The following ZNRF2 variants were observed in gnomAD, a reference collection of about 807,000 sequenced individuals.
ZNRF2 encodes the protein E3 ubiquitin-protein ligase ZNRF2.
In ZNRF2, 16 loss-of-function variants were observed where a neutral mutation model predicts 20.4. The observed-to-expected ratio is 0.79, with a 90% CI of 0.53 to 1.19. ZNRF2 has a LOEUF of 1.19. Ranked by LOEUF, ZNRF2 falls within the 50% of genes most tolerant of loss-of-function variation. The pLI is 0.00. For synonymous variants in ZNRF2, 178 were observed against 144.9 expected, an observed-to-expected ratio of 1.23 and a Z score of -1.64; for missense variants, 363 against 332.4, an observed-to-expected ratio of 1.09 and a Z score of -0.72.
At chr7:30,307,755 G>A (rs185389882) in intron 1 of ZNRF2, among the ~76,000 whole-genome samples, 11 of 151,900 alleles carry the variant, frequency 7.2e-5, no homozygotes, top group Non-Finnish European at 1.5e-4. Flanking sequence ...ATTTACCACC[G>A]AGCATAATGT....
chr7:30,330,845 T>C (rs1799626564), intron 2 of ZNRF2, among the ~76,000 whole-genome samples: 1 of 152,118 alleles, frequency 6.6e-6, no homozygotes, highest in Non-Finnish European at 1.5e-5. Flanking sequence ...TGCTTGAGCA[T>C]GTGTGAACTT....
At chr7:30,293,031 T>C (rs1012962085) in intron 1 of ZNRF2, among the ~76,000 whole-genome samples, 57 of 152,158 alleles carry the variant, frequency 3.7e-4, no homozygotes, top group Non-Finnish European at 3.1e-4. Context: ...AACAGTGGCT[T>C]GGACTGGGTG....
chr7:30,355,243 G>C (rs1358499021), intron 2 of ZNRF2, among the ~76,000 whole-genome samples: 1 of 152,058 alleles, frequency 6.6e-6, no homozygotes, highest in Non-Finnish European at 1.5e-5. Context: ...ATTTTCTTGA[G>C]TTAAGCAACT....
At chr7:30,359,403 C>G (rs556082989) in intron 3 of ZNRF2, among the ~76,000 whole-genome samples, 1 of 152,144 alleles carries the variant, frequency 6.6e-6, no homozygotes, top group Non-Finnish European at 1.5e-5. Context: ...TTGGAAATAG[C>G]GTTCTCCCTC....
At chr7:30,356,363 G>A (rs1003586523) in intron 3 of ZNRF2, among the ~76,000 whole-genome samples, 5 of 151,460 alleles carry the variant, frequency 3.3e-5, no homozygotes, top group African/African-American at 1.2e-4. Flanking sequence ...CTTAAGTTAA[G>A]ATGAGGTGGG....
chr7:30,298,706 G>A (rs4000230), intron 1 of ZNRF2, among the ~76,000 whole-genome samples: 11 of 152,276 alleles, frequency 7.2e-5, no homozygotes, highest in East Asian at 5.8e-4. Flanking sequence ...CTAATAACAA[G>A]CTTGTAGTAG....
At chr7:30,285,985 C>A (rs1212591606) in intron 1 of ZNRF2, among the ~76,000 whole-genome samples, 159 bp downstream of exon 1, 3 of 152,330 alleles carry the variant, frequency 2.0e-5, no homozygotes, top group African/African-American at 7.2e-5. Flanking sequence ...TGGAAGAAAC[C>A]CGGCGCTTAA....
At chr7:30,317,892 G>T (rs989921914) in intron 1 of ZNRF2, among the ~76,000 whole-genome samples, 1 of 152,206 alleles carries the variant, frequency 6.6e-6, no homozygotes, top group South Asian at 2.1e-4. Flanking sequence ...GTATGGCCTG[G>T]TGTAGCAGAT....
chr7:30,322,844 A>AG (rs1799494622), intron 1 of ZNRF2, among the ~76,000 whole-genome samples: 1 of 152,192 alleles, frequency 6.6e-6, no homozygotes, highest in African/African-American at 2.4e-5. Context: ...CTTAGCAGCA[A>AG]GAAGGCAGGG....
At chr7:30,316,288 C>CGAAAAA (rs1799373691) in intron 1 of ZNRF2, among the ~76,000 whole-genome samples, 1 of 27,474 alleles carries the variant, frequency 3.6e-5, no homozygotes. Context: ...AACTCCATCT[C>CGAAAAA]AAAAAAAAAA....
chr7:30,288,908 G>A (rs1432608030), intron 1 of ZNRF2: 1 of 151,196 alleles, frequency 6.6e-6, no homozygotes, highest in Non-Finnish European at 1.5e-5. Context: ...TTACGTCTAC[G>A]TTTTTTTTTC....
rs1799417251 is a variant in ZNRF2, at chr7:30,318,828, G to C, written c.470-4814G>C. Among the ~76,000 whole-genome samples the C allele has an allele frequency of 2.0e-5, 3 of 152,112 alleles. No homozygotes were observed. The South Asian group carries it at 6.2e-4, about 32-fold the overall frequency. ...TTTATTATTAAAGAATGTCATTATA[G>C]AGGCTGGGTGTGTTGGCTCACGCCT... On this transcript the variant is annotated intron_variant, in intron 1 of 4. Transcript: ENST00000323037.
intron 1 of ZNRF2, among the ~76,000 whole-genome samples, chr7:30,287,055 A>G: frequency 6.6e-6 from 1 of 152,202 alleles, no homozygotes; most frequent in East Asian, 1.9e-4. Flanking sequence ...TTCAATTGGA[A>G]CGACGCTTGA....
At chr7:30,328,953 C>T (rs961942195) in intron 2 of ZNRF2, among the ~76,000 whole-genome samples, 1 of 152,118 alleles carries the variant, frequency 6.6e-6, no homozygotes, top group Non-Finnish European at 1.5e-5. Context: ...ATGTGAAGGA[C>T]TGCCTGTTTC....
chr7:30,289,575 C>CT (rs1405349125), intron 1 of ZNRF2, among the ~76,000 whole-genome samples: 5 of 152,212 alleles, frequency 3.3e-5, no homozygotes, highest in Non-Finnish European at 5.9e-5. Flanking sequence ...ACCCCTGCCA[C>CT]TCCTGAAGTA....
At chr7:30,341,498 A>G (rs540210581) in intron 2 of ZNRF2, among the ~76,000 whole-genome samples, 1 of 152,132 alleles carries the variant, frequency 6.6e-6, no homozygotes, top group African/African-American at 2.4e-5. Flanking sequence ...TTATTTACCC[A>G]GTAGTCATTG....
At chr7:30,351,065 C>T (rs1343721982) in intron 2 of ZNRF2, among the ~76,000 whole-genome samples, 1 of 142,280 alleles carries the variant, frequency 7.0e-6, no homozygotes, top group African/African-American at 2.6e-5. Context: ...TCGTCTTGAT[C>T]TGCAATAACT....
At chr7:30,340,135 A>G (rs1799772755) in intron 2 of ZNRF2, among the ~76,000 whole-genome samples, 1 of 152,204 alleles carries the variant, frequency 6.6e-6, no homozygotes. Context: ...TTATCAGCTT[A>G]AGGAGATTTT....
rs139265962 is a variant in ZNRF2 at position 30,356,699 on chromosome 7, ATTTTT to A, written c.671+886_671+890del. ...AATGACAAAAAGTATATAACATTGT[ATTTTT>A]TTTTTTTTTTTTTTTTTTTGAGACG... is the stretch of plus-strand genomic sequence containing the variant. On this transcript the variant is annotated intron_variant, in intron 3 of 4. Coordinates refer to ENST00000323037, the MANE Select transcript of ZNRF2 (RefSeq NM_147128.4). 8.1e-4 allele frequency among the ~76,000 whole-genome samples: 59 copies of A among 73,234 alleles called. 1 individual carries two copies. In the South Asian group the frequency reaches 0.015, roughly 19 times the overall value. The allele number at this position is 73,234 out of a possible 152,430, so 48.0% of individuals were successfully genotyped here.
Sources: gnomAD v4.1 joint callset for allele counts (sites outside exome capture counted in the v4.1 genomes callset) on GRCh38, gnomAD v4.1.1 for gene constraint, MANE v1.5 for transcripts, NCBI Gene and HGNC (gene_info 2026-07-23, HGNC 2026-07-21) for gene names.